HEXD: variants seen among roughly 807,000 people sequenced by gnomAD.
HEXD encodes the protein N-acetyl-beta-galactosaminidase.
Under a neutral mutation model 54.2 loss-of-function variants are expected in HEXD, and 47 were observed. That is an observed-to-expected ratio of 0.87 (90% CI 0.69 to 1.11). The LOEUF (loss-of-function observed/expected upper bound fraction) is 1.11. Ranked by LOEUF, HEXD falls within the 50% of genes least tolerant of loss-of-function variation. The pLI, the probability that HEXD is intolerant of heterozygous loss-of-function variation, is 0.00. For missense variants in HEXD, 576 were observed against 649.2 expected, an observed-to-expected ratio of 0.89 and a Z score of 1.23; for synonymous variants, 293 against 287.6, an observed-to-expected ratio of 1.02 and a Z score of -0.19.
chr17:82,424,633 T>G, intron 3 of HEXD, 130 bp downstream of exon 3: 1 of 593,946 alleles, frequency 1.7e-6, no homozygotes, highest in South Asian at 2.0e-5. Context: ...GTGGGTACAT[T>G]CCTTTTTTGT....
intron 3 of HEXD, chr17:82,427,203 T>A (rs1306228290): frequency 6.7e-6 from 1 of 150,304 alleles, no homozygotes; most frequent in East Asian, 1.9e-4. Flanking sequence ...CTCAGGAGGC[T>A]GAGGAAGGAG....
chr17:82,441,869 C>T lies in HEXD; in HGVS notation c.1233C>T (p.His411=), dbSNP rs1470532015. 2 of 1,613,228 alleles carry T rather than the reference C, an allele frequency of 1.2e-6. No individual in the cohort carries two copies. The highest frequency in any genetic ancestry group is 8.5e-7 in the Non-Finnish European group (1 of 1,179,990). Residue 411 remains histidine, a synonymous_variant, in exon 12 of 13, where the codon CAC becomes CAT. Transcript: ENST00000327949. ...TCATCCACCCGGTCATGGTTCAGCA[C>T]ATCCAGCCCGCAGCGCTCAGGTGAG... ...RKLIHPVMVQ[H]IQPAALSLLA...
intron 9 of HEXD, chr17:82,439,964 C>A: frequency 4.0e-6 from 6 of 1,487,024 alleles, no homozygotes; most frequent in Non-Finnish European, 5.4e-6. Flanking sequence ...CCCTCAGACA[C>A]AGTGAATCCG....
Position 82,418,518 on chromosome 17 carries a change from CG to C in HEXD, c.-271del, listed in dbSNP as rs1046866915. ...GGCCGCCGCGGAGCCGGGCCGGACG[CG>C]GGCGCCAGGCCCGGGGACGAACGCC... On this transcript the variant is annotated 5_prime_UTR_variant, in exon 1 of 13. It introduces an in-frame stop codon into an upstream open reading frame of the 5' UTR. Transcript: ENST00000327949. The C allele has an allele frequency of 2.1e-5, 27 of 1,285,282 alleles. No homozygotes were observed. In the African/African-American group the frequency reaches 3.8e-4, roughly 18 times the overall value. The allele number at this position is 1,285,282 out of a possible 1,614,324, so 79.6% of individuals were successfully genotyped here. A position where few individuals can be genotyped will look rare whatever the true frequency, so the allele number is the denominator to read the frequency against.
In HEXD at chr17:82,433,780, G is replaced by C. The variant is rs770539557; in HGVS notation, c.405G>C (p.Glu135Asp). Residue 135 changes from glutamate to aspartate, a missense_variant, in exon 5 of 13, where the codon GAG becomes GAC. By Grantham distance (45) the Glu-to-Asp change is conservative (BLOSUM62 2). Coordinates refer to ENST00000327949, the MANE Select transcript of HEXD (RefSeq NM_001330542.2). ...GCGCCATGATTGACCAGGTCCTGGAGCTACACCCAGGCGCCCAGCGGCTGC... is the reference window on the plus strand; with the variant it reads ...GCGCCATGATTGACCAGGTCCTGGACCTACACCCAGGCGCCCAGCGGCTGC... The part of the protein sequence containing the change: ...LVGAMIDQVL[E>D]LHPGAQRLHI... The C allele has an allele frequency of 1.9e-6, 3 of 1,613,090 alleles. No individual in the cohort carries two copies. Among genetic ancestry groups the C allele is most frequent in the East Asian group, 4.5e-5 (2 of 44,804 alleles).
intron 3 of HEXD, chr17:82,425,348 CCAGGGAAGGTCAGAGGAGGCT>C: frequency 1.1e-5 from 2 of 186,638 alleles, no homozygotes; most frequent in African/African-American, 2.4e-5. Flanking sequence ...CTGGAGGAGG[CCAGGGAAGGTCAGAGGAGGCT>C]GGAGAAGGCT....
chr17:82,433,868 A>T, intron 5 of HEXD, 46 bp downstream of exon 5: 1 of 1,523,598 alleles, frequency 6.6e-7, no homozygotes, highest in South Asian at 1.2e-5. Context: ...CTCCCCTATC[A>T]TGGCTTGTCC....
chr17:82,438,067 T>C (rs983396483), intron 8 of HEXD, among the ~76,000 whole-genome samples: 4 of 152,106 alleles, frequency 2.6e-5, no homozygotes, highest in Admixed American at 2.6e-4. Context: ...TGAAACCCCA[T>C]CTCTACTAAA....
chr17:82,418,431 C>G lies in HEXD; in HGVS notation c.-361C>G. The G allele has an allele frequency of 6.8e-7, 1 of 1,478,904 alleles. No homozygotes were observed. Among genetic ancestry groups the G allele is most frequent in the Non-Finnish European group, 8.9e-7 (1 of 1,120,770 alleles). 91.6% of individuals were successfully genotyped at this position (1,478,904 alleles called of 1,614,324 possible). A position where few individuals can be genotyped will look rare whatever the true frequency, so the allele number is the denominator to read the frequency against. ...CGCTACCTGCTCCGGTTCCGGCGCT[C>G]GGCCGCTCCGTTGCCCTCGGGCGCC... is the stretch of plus-strand genomic sequence containing the variant. On this transcript the variant is annotated 5_prime_UTR_variant, in exon 1 of 13. Transcript: ENST00000327949.
intron 4 of HEXD, among the ~76,000 whole-genome samples, chr17:82,433,128 A>ATATATATATT (rs71168109): frequency 6.1e-4 from 8 of 13,066 alleles, no homozygotes; most frequent in Non-Finnish European, 9.5e-4. Flanking sequence ...ATATATATAT[A>ATATATATATT]TTTTTTTTTT....
chr17:82,436,732 G>A lies in HEXD; in HGVS notation c.697G>A (p.Gly233Ser), dbSNP rs748862815. 254 of 1,612,004 alleles carry A rather than the reference G, an allele frequency of 1.6e-4. 1 individual carries two copies. The highest frequency in any genetic ancestry group is 6.6e-4 in the South Asian group (60 of 90,690). The change falls in exon 7 of 13, where the codon GGC becomes AGC. Residue 233 changes from glycine to serine, a missense_variant. Gly to Ser is a moderately conservative substitution (Grantham distance 56). Coordinates refer to ENST00000327949, the MANE Select transcript of HEXD (RefSeq NM_001330542.2). ...WDYTADLDVH[G>S]KVLLMQKYRR... is the part of the protein sequence containing the mutation. The stretch of plus-strand genomic sequence containing the variant: ...CTACACGGCCGACCTGGATGTGCAC[G>A]GCAAGGGTCAGTGCCAAGTTGTGGG...
rs2053741501 is a variant in HEXD at position 82,435,727 on chromosome 17, G to A, written c.486G>A (p.Trp162Ter). Reference protein sequence around the residue: ...YLGEGEASRRWLQQEQNSTGK... With the variant: ...YLGEGEASRR ...GAGAGGGGGAGGCCTCGCGCCGGTG[G>A]CTACAGCAAGAGCAGAACAGCACGG... The change falls in exon 6 of 13, where the codon TGG becomes TGA. Residue 162 changes from tryptophan to a stop codon, truncating the protein, a stop_gained. Transcript: ENST00000327949. LOFTEE classifies it high-confidence loss of function. 6.2e-7 allele frequency: 1 copy of A among 1,612,672 alleles called. No individual in the cohort carries two copies. Among genetic ancestry groups the A allele is most frequent in the African/African-American group, 1.3e-5 (1 of 74,930 alleles).
rs146934766 is a variant in HEXD, at chr17:82,439,710, C to T, written c.979C>T (p.Arg327Cys). The T allele has an allele frequency of 8.8e-5, 140 of 1,599,932 alleles. No individual in the cohort carries two copies. The highest frequency in any genetic ancestry group is 1.7e-4 in the Middle Eastern group (1 of 6,060). Residue 327 changes from arginine to cysteine, a missense_variant, in exon 9 of 13, where the codon CGC becomes TGC. Transcript: ENST00000327949. Reference protein sequence around the residue: ...SLAACLQLLLRGGFDEDVKAK... With the variant: ...SLAACLQLLLCGGFDEDVKAK... ...GGCCGCCTGCCTGCAGTTGCTTCTACGCGGTATGTCTGGTCTGGCCACCCC... is the reference window on the plus strand; with the variant it reads ...GGCCGCCTGCCTGCAGTTGCTTCTATGCGGTATGTCTGGTCTGGCCACCCC...
chr17:82,442,249 C>T lies in HEXD; in HGVS notation c.1326C>T (p.Ala442=), dbSNP rs375435244. 32 of 1,606,260 alleles carry T rather than the reference C, an allele frequency of 2.0e-5. No homozygotes were observed. The highest frequency in any genetic ancestry group is 3.3e-5 in the Admixed American group (2 of 60,000). Residue 442 remains alanine (A), a synonymous_variant, in exon 13 of 13, where the codon GCC becomes GCT. Coordinates refer to ENST00000327949, the MANE Select transcript of HEXD (RefSeq NM_001330542.2). The surrounding 1 kb of genome is among the most constrained non-coding windows in gnomAD (Gnocchi z 6.8). ...TGCAGCTGGCTTTCTACCCGGATGC[C>T]GTGGAGGAGTGGCTGGAGGAAAACG... The part of the protein sequence containing the change: ...AALQLAFYPD[A]VEEWLEENVH...
chr17:82,438,333 G>A (rs1218933632), intron 8 of HEXD, among the ~76,000 whole-genome samples: 2 of 152,212 alleles, frequency 1.3e-5, no homozygotes, highest in Non-Finnish European at 1.5e-5. Context: ...GACCTAGAAG[G>A]CACATGCTGT....
chr17:82,428,637 C>G lies in HEXD; in HGVS notation c.274C>G (p.His92Asp). ...EVIPLVQTFG[H>D]MEFVLKHTAF... ...GATTCCCTTGGTGCAGACATTTGGA[C>G]ACATGGAGGTGAGTGGCAGAAATGG... The change falls in exon 4 of 13, where the codon CAC becomes GAC. Residue 92 changes from histidine (H) to aspartate (D), a missense_variant. Transcript: ENST00000327949. 1.2e-6 allele frequency: 2 copies of G among 1,612,910 alleles called. No individual in the cohort carries two copies. Among genetic ancestry groups the G allele is most frequent in the Non-Finnish European group, 1.7e-6 (2 of 1,178,954 alleles).
chr17:82,437,126 C>T (rs201517363), intron 7 of HEXD, 42 bp from the exon 8 acceptor site: 16 of 1,519,306 alleles, frequency 1.1e-5, no homozygotes, highest in Admixed American at 3.8e-5. Context: ...CCGTGTTGGC[C>T]GCCTCCCCTG....
intron 2 of HEXD, chr17:82,423,443 G>A: frequency 6.6e-6 from 1 of 152,478 alleles, no homozygotes; most frequent in East Asian, 1.9e-4. Context: ...CTTGAGCCCA[G>A]GAGTTGGGTG....
In HEXD at chr17:82,425,052, CAGAGAAGGCT is replaced by C. The variant is rs1421908663; in HGVS notation, c.194+550_194+559del. ...AAGGCTGGAGGAGGCTGGAGGAGGCCAGAGAAGGCTGGAGAAGGCTGGAGAAGGCTGGAGG... is the reference window on the plus strand; with the variant it reads ...AAGGCTGGAGGAGGCTGGAGGAGGCCGGAGAAGGCTGGAGAAGGCTGGAGG... On this transcript the variant is annotated intron_variant, in intron 3 of 12. Coordinates refer to ENST00000327949, the MANE Select transcript of HEXD (RefSeq NM_001330542.2). Among the ~76,000 whole-genome samples the C allele has an allele frequency of 1.4e-3, 173 of 123,432 alleles. 2 individuals carry two copies. The highest frequency in any genetic ancestry group is 6.5e-3 in the Middle Eastern group (1 of 154). The allele number at this position is 123,432 out of a possible 152,430, so 81.0% of individuals were successfully genotyped here.
Sources: allele counts gnomAD v4.1 joint callset (sites outside exome capture counted in the v4.1 genomes callset), GRCh38; gene constraint gnomAD v4.1.1; non-coding constraint Gnocchi (gnomAD v3.1); transcripts MANE v1.5; gene names NCBI Gene and HGNC (gene_info 2026-07-23, HGNC 2026-07-21).